The following DCHS2 variants were observed in gnomAD, a reference collection of about 807,000 sequenced individuals.
The protein encoded by DCHS2 is dachsous cadherin-related 2.
A neutral mutation model predicts 182.4 loss-of-function variants in DCHS2; 142 were observed. That is an observed-to-expected ratio of 0.78 (90% CI 0.68 to 0.89). The LOEUF (loss-of-function observed/expected upper bound fraction) is 0.89, where lower values mean the gene tolerates loss of function less well. Ranked by LOEUF, DCHS2 falls within the 40% of genes least tolerant of loss-of-function variation. The pLI is 0.00. For missense variants in DCHS2, 4,319 were observed against 4,198.6 expected, an observed-to-expected ratio of 1.03 and a Z score of -0.79; for synonymous variants, 1,740 against 1,663.3, an observed-to-expected ratio of 1.05 and a Z score of -1.12.
chr4:154,289,257 TC>T lies in DCHS2; in HGVS notation c.6463+8593del, dbSNP rs1284654213. On this transcript the variant is annotated intron_variant, in intron 13 of 19. Transcript: ENST00000357232. ...AAATCAGAGGTGAAAAAGAAGGCAT[TC>T]CGACAGATACTACATAAATTTAAAG... 7.9e-5 allele frequency among the ~76,000 whole-genome samples: 12 copies of T among 152,026 alleles called. No individual in the cohort carries two copies. The East Asian group carries it at 1.9e-3, about 24-fold the overall frequency.
chr4:154,351,001 C>T (rs931164091), intron 3 of DCHS2, among the ~76,000 whole-genome samples: 5 of 152,158 alleles, frequency 3.3e-5, no homozygotes, highest in African/African-American at 1.2e-4. Flanking sequence ...TTGGCCATGC[C>T]TTCAAGAAGT....
intron 2 of DCHS2, among the ~76,000 whole-genome samples, chr4:154,375,556 C>T (rs181644663): frequency 5.9e-5 from 9 of 151,698 alleles, no homozygotes; most frequent in East Asian, 3.9e-4. Context: ...ACAAATTATA[C>T]GAATAGCAAT....
At chr4:154,412,330 T>C (rs925368947) in intron 1 of DCHS2, among the ~76,000 whole-genome samples, 1 of 152,156 alleles carries the variant, frequency 6.6e-6, no homozygotes, top group Non-Finnish European at 1.5e-5. Flanking sequence ...TTTACCCCCA[T>C]CAATTTCAGC....
Position 154,235,029 on chromosome 4 carries a change from G to A in DCHS2, c.9623C>T (p.Ser3208Leu). Reference protein sequence around the residue: ...ADVRKESVFISGDQEVRCAAL... With the variant: ...ADVRKESVFILGDQEVRCAAL... ...TGCACACCTTACTTCCTGATCACCT[G>A]AAATAAAGACAGACTCTTTTCTAAC... The change falls in exon 20 of 20, where the codon TCA (serine) becomes TTA (leucine). Residue 3208 changes from serine to leucine, a missense_variant. Coordinates refer to ENST00000357232, the MANE Select transcript of DCHS2 (RefSeq NM_001358235.2). 1 of 1,613,966 alleles carries A rather than the reference G, an allele frequency of 6.2e-7. No homozygotes were observed.
chr4:154,420,246 C>CAGATAGAT (rs35709774), intron 1 of DCHS2, among the ~76,000 whole-genome samples: 9,848 of 144,672 alleles, frequency 0.068, 408 homozygotes, highest in East Asian at 0.18. Context: ...GACAGACAGA[C>CAGATAGAT]AGATAGATAG....
At chr4:154,301,754 T>C (rs1329872340) in intron 12 of DCHS2, among the ~76,000 whole-genome samples, 1 of 152,130 alleles carries the variant, frequency 6.6e-6, no homozygotes, top group Non-Finnish European at 1.5e-5. Flanking sequence ...CTGCCCACCT[T>C]GGCATCCCAA....
intron 1 of DCHS2, among the ~76,000 whole-genome samples, chr4:154,388,656 G>A (rs1419332345): frequency 6.6e-6 from 1 of 151,876 alleles, no homozygotes; most frequent in African/African-American, 2.4e-5. Context: ...CACCACGGCT[G>A]TCTAATTTTT....
At chr4:154,380,680 A>G (rs1409813631) in intron 1 of DCHS2, among the ~76,000 whole-genome samples, 1 of 152,142 alleles carries the variant, frequency 6.6e-6, no homozygotes, top group Non-Finnish European at 1.5e-5. Context: ...GTAGGATAAA[A>G]GTATTGATCT....
At chr4:154,281,444 A>G (rs75590735) in intron 13 of DCHS2, among the ~76,000 whole-genome samples, 1,953 of 152,294 alleles carry the variant, frequency 0.013, 46 homozygotes, top group African/African-American at 0.045. Context: ...TCATCAAACA[A>G]AATAAAATAC....
intron 1 of DCHS2, among the ~76,000 whole-genome samples, chr4:154,460,474 A>G (rs1467944958): frequency 6.6e-6 from 1 of 152,158 alleles, no homozygotes; most frequent in Non-Finnish European, 1.5e-5. Flanking sequence ...TTAAAGCTTC[A>G]GTTTCCACAT....
At chr4:154,408,818 A>G (rs1390723813) in intron 1 of DCHS2, among the ~76,000 whole-genome samples, 3 of 151,998 alleles carry the variant, frequency 2.0e-5, no homozygotes, top group African/African-American at 7.2e-5. Context: ...TTTGCGGAGA[A>G]AAAGTAAGCA....
At chr4:154,431,698 T>C (rs1305535421) in intron 1 of DCHS2, among the ~76,000 whole-genome samples, 1 of 152,186 alleles carries the variant, frequency 6.6e-6, no homozygotes, top group Non-Finnish European at 1.5e-5. Flanking sequence ...CATAGGGATA[T>C]CATGATTCTA....
chr4:154,420,999 C>T (rs754434550), intron 1 of DCHS2, among the ~76,000 whole-genome samples: 11 of 152,116 alleles, frequency 7.2e-5, no homozygotes, highest in African/African-American at 1.4e-4. Flanking sequence ...AATATATACA[C>T]TACCATCATT....
At position 154,243,343 on chromosome 4, in the gene DCHS2, G is replaced by A. The variant is rs1309266288; in HGVS notation, c.6942-571C>T. Among the ~76,000 whole-genome samples, 4 of 152,166 alleles carry A rather than the reference G, an allele frequency of 2.6e-5. No homozygotes were observed. The East Asian group carries it at 7.7e-4, about 29-fold the overall frequency. ...CTAGGATTGTGAAGTAGAGGTAAAA[G>A]TCCATGATCTGAAAGAATTTACATA... On this transcript the variant is annotated intron_variant, in intron 16 of 19. Transcript: ENST00000357232.
intron 3 of DCHS2, among the ~76,000 whole-genome samples, chr4:154,346,715 G>A (rs1447739693): frequency 2.6e-5 from 4 of 151,860 alleles, no homozygotes; most frequent in East Asian, 1.9e-4. Context: ...TCCCTGGCCA[G>A]TGGGAAACTA....
intron 1 of DCHS2, among the ~76,000 whole-genome samples, chr4:154,388,854 T>C (rs1349062970): frequency 6.6e-6 from 1 of 152,150 alleles, no homozygotes; most frequent in Non-Finnish European, 1.5e-5. Flanking sequence ...CAAAAAATAT[T>C]AATCCTAAAA....
At chr4:154,259,065 A>G (rs781528953) in intron 15 of DCHS2, among the ~76,000 whole-genome samples, 3 of 152,158 alleles carry the variant, frequency 2.0e-5, no homozygotes, top group Non-Finnish European at 2.9e-5. Context: ...CTTCCCTGTG[A>G]ATGGATGCTT....
chr4:154,300,067 T>C (rs1177596690), intron 12 of DCHS2, among the ~76,000 whole-genome samples: 3 of 152,174 alleles, frequency 2.0e-5, no homozygotes, highest in African/African-American at 7.2e-5. Context: ...GGGGAGAGTG[T>C]TCTATGCAGA....
rs149532815 is a variant in DCHS2 at position 154,462,827 on chromosome 4, C to T, written c.2052+26477G>A. ...CAATATGTAGTAAAAAGACTATGAA[C>T]GAGAGATCCTAAAACAAGATGATAA... On this transcript the variant is annotated intron_variant, in intron 1 of 19. Transcript: ENST00000357232. Among the ~76,000 whole-genome samples, 419 of 152,088 alleles carry T rather than the reference C, an allele frequency of 2.8e-3. 5 individuals carry two copies. The Middle Eastern group carries it at 0.037, about 14-fold the overall frequency.
Sources: allele counts gnomAD v4.1 joint callset (sites outside exome capture counted in the v4.1 genomes callset), GRCh38; gene constraint gnomAD v4.1.1; transcripts MANE v1.5; gene names NCBI Gene and HGNC (gene_info 2026-07-23, HGNC 2026-07-21).